The following BAX variants were observed in gnomAD, a reference collection of about 807,000 sequenced individuals.
The protein encoded by BAX is apoptosis regulator BAX.
Under a neutral mutation model 26.8 loss-of-function variants are expected in BAX, and 21 were observed. The observed-to-expected ratio is 0.78, with a 90% CI of 0.56 to 1.13. The LOEUF (loss-of-function observed/expected upper bound fraction) is 1.13. BAX is among the 50% of genes most tolerant of loss of function. The probability of loss-of-function intolerance (pLI) is 0.00; values close to 1 mark genes in which losing one functional copy is unlikely to be tolerated. For synonymous variants in BAX, 110 were observed against 101.8 expected (o/e 1.08, Z -0.49); for missense variants, 236 against 254.6 (o/e 0.93, Z 0.50).
intron 4 of BAX, among the ~76,000 whole-genome samples, chr19:48,957,814 A>G (rs1204576652): frequency 1.3e-5 from 2 of 152,238 alleles, no homozygotes; most frequent in East Asian, 1.9e-4. Flanking sequence ...TCAAACCGTC[A>G]TAAGTTGGGG....
In BAX at chr19:48,961,676, T is replaced by C. The variant is rs2038367296; in HGVS notation, c.*40T>C. ...TTGGACTGTGTTTTTCCTCCATAAA[T>C]TATGGCATTTTTCTGGGAGGGGTGG... On this transcript the variant is annotated 3_prime_UTR_variant, in exon 6 of 6. Coordinates refer to ENST00000345358, the MANE Select transcript of BAX (RefSeq NM_138761.4). 3 of 1,508,724 alleles carry C rather than the reference T, an allele frequency of 2.0e-6. No homozygotes were observed. The East Asian group carries it at 7.2e-5, about 36-fold the overall frequency. The allele number at this position is 1,508,724 out of a possible 1,614,324, so 93.5% of individuals were successfully genotyped here.
intron 4 of BAX, among the ~76,000 whole-genome samples, chr19:48,958,345 A>ATTT (rs34043541): frequency 0.02 from 1,299 of 64,474 alleles, 108 homozygotes; most frequent in African/African-American, 0.054. Flanking sequence ...TTTTTGGAAG[A>ATTT]TTTTTTTTTT....
chr19:48,955,074 C>G, intron 1 of BAX, 112 bp downstream of exon 1: 1 of 1,191,808 alleles, frequency 8.4e-7, no homozygotes, highest in Non-Finnish European at 1.1e-6. Context: ...GGGGCAGAAA[C>G]TCCCGGATCG....
At chr19:48,955,102 G>C in intron 1 of BAX, 140 bp downstream of exon 1, 1 of 1,018,142 alleles carries the variant, frequency 9.8e-7, no homozygotes, top group Non-Finnish European at 1.3e-6. Context: ...CCAGCCTCCA[G>C]TCCCCTCCGT....
chr19:48,954,952 C>T lies in BAX; in HGVS notation c.24C>T (p.Pro8=), dbSNP rs1383204990. Residue 8 remains proline, a synonymous_variant, in exon 1 of 6, where the codon CCC becomes CCT. Transcript: ENST00000345358. MDGSGEQ[P]RGGGPTSSEQ... ...TGATGGACGGGTCCGGGGAGCAGCC[C>T]AGAGGCGGGGGTGAGGCGGGAGGCA... 8.0e-6 allele frequency: 10 copies of T among 1,246,524 alleles called. No homozygotes were observed. Among genetic ancestry groups the T allele is most frequent in the Non-Finnish European group, 1.0e-5 (10 of 994,228 alleles). The allele number at this position is 1,246,524 out of a possible 1,614,324, so 77.2% of individuals were successfully genotyped here.
intron 3 of BAX, 75 bp downstream of exon 3, chr19:48,955,908 C>T (rs2038110564): frequency 4.7e-6 from 7 of 1,477,022 alleles, no homozygotes; most frequent in Non-Finnish European, 5.4e-6. Flanking sequence ...CCCGCATTCT[C>T]CTCCTCCCCT....
chr19:48,961,013 C>T (rs776348320), intron 5 of BAX, 99 bp downstream of exon 5: 2 of 1,612,774 alleles, frequency 1.2e-6, no homozygotes, highest in East Asian at 2.2e-5. Context: ...GACCCTGGGC[C>T]TTCTGGAGCA....
chr19:48,956,571 TC>T (rs1243677790), intron 4 of BAX, among the ~76,000 whole-genome samples: 1 of 151,970 alleles, frequency 6.6e-6, no homozygotes, highest in African/African-American at 2.4e-5. Flanking sequence ...GCAGGCTACA[TC>T]CCTGCTCTCA....
In BAX at chr19:48,954,956, G is replaced by GGC. The variant is rs1447224934; in HGVS notation, c.30_31dup (p.Gly11AlafsTer11). ...GGACGGGTCCGGGGAGCAGCCCAGA[G>GGC]GCGGGGGTGAGGCGGGAGGCAGACG... On this transcript the variant is annotated frameshift_variant, in exon 1 of 6. Transcript: ENST00000345358. LOFTEE classifies it high-confidence loss of function. 1 of 1,245,036 alleles carries GGC rather than the reference G, an allele frequency of 8.0e-7. No individual in the cohort carries two copies. The highest frequency in any genetic ancestry group is 1.0e-6 in the Non-Finnish European group (1 of 993,660). The allele number at this position is 1,245,036 out of a possible 1,614,324, so 77.1% of individuals were successfully genotyped here. A position where few individuals can be genotyped will look rare whatever the true frequency, so the allele number is the denominator to read the frequency against.
chr19:48,956,134 G>A, intron 3 of BAX, 64 bp from the exon 4 acceptor site: 1 of 1,453,206 alleles, frequency 6.9e-7, no homozygotes, highest in South Asian at 1.5e-5. Flanking sequence ...TGCGGTGGAT[G>A]CGGGAATTTT....
Position 48,955,141 on chromosome 19 carries a change from C to G in BAX, c.34+179C>G, listed in dbSNP as rs4645883. On this transcript the variant is annotated intron_variant, in intron 1 of 5. Coordinates refer to ENST00000345358, the MANE Select transcript of BAX (RefSeq NM_138761.4). ...CGGAGGTTCCTGGCTCTCTGATCCC[C>G]GTGTCCCGATCCCTGCCTCTCTGGC... is the stretch of plus-strand genomic sequence containing the variant. The G allele has an allele frequency of 3.2e-4, 236 of 745,090 alleles. No individual in the cohort carries two copies. The African/African-American group carries it at 4.0e-3, about 13-fold the overall frequency. 46.2% of individuals were successfully genotyped at this position (745,090 alleles called of 1,614,324 possible). A position where few individuals can be genotyped will look rare whatever the true frequency, so the allele number is the denominator to read the frequency against.
chr19:48,960,748 G>T (rs747988714), intron 4 of BAX, 62 bp from the exon 5 acceptor site: 12 of 1,366,770 alleles, frequency 8.8e-6, no homozygotes, highest in Non-Finnish European at 1.2e-5. Context: ...GAGGTTTGGG[G>T]CCACTATCTC....
At chr19:48,961,366 T>G (rs1600115137) in intron 5 of BAX, 166 bp from the exon 6 acceptor site, 2 of 1,243,254 alleles carry the variant, frequency 1.6e-6, no homozygotes, top group Admixed American at 5.3e-5. Context: ...GGATTACAGG[T>G]GTGAGCCACC....
rs756379361 is a variant in BAX at position 48,954,925 on chromosome 19, G to C, written c.-4G>C. On this transcript the variant is annotated 5_prime_UTR_variant, in exon 1 of 6. Transcript: ENST00000345358. ...GGCGAGAGGCGGCGGCGGGAGCGGC[G>C]GTGATGGACGGGTCCGGGGAGCAGC... is the stretch of plus-strand genomic sequence containing the variant. 8.1e-7 allele frequency: 1 copy of C among 1,238,640 alleles called. No homozygotes were observed. Among genetic ancestry groups the C allele is most frequent in the South Asian group, 3.9e-5 (1 of 25,754 alleles). The allele number at this position is 1,238,640 out of a possible 1,614,324, so 76.7% of individuals were successfully genotyped here.
chr19:48,955,972 C>T (rs568968102), intron 3 of BAX, 139 bp downstream of exon 3: 103 of 1,186,640 alleles, frequency 8.7e-5, no homozygotes, highest in Non-Finnish European at 1.1e-4. Context: ...GGACTCCCAG[C>T]CCTCCTCTCT....
At chr19:48,956,054 C>A in intron 3 of BAX, 144 bp from the exon 4 acceptor site, 1 of 1,223,708 alleles carries the variant, frequency 8.2e-7, no homozygotes, top group Non-Finnish European at 1.1e-6. Flanking sequence ...TGTCCCCTTC[C>A]CTTGTCCCCC....
In BAX at chr19:48,961,579, C is replaced by G. The variant is rs983493121; in HGVS notation, c.522C>G (p.Thr174=). The G allele has an allele frequency of 6.2e-7, 1 of 1,611,978 alleles. No homozygotes were observed. The highest frequency in any genetic ancestry group is 1.3e-5 in the African/African-American group (1 of 74,996). The change falls in exon 6 of 6, where the codon ACC becomes ACG. Residue 174 remains threonine (T), a synonymous_variant. Transcript: ENST00000345358. Reference sequence around the variant, plus strand: ...GGACGCCCACGTGGCAGACCGTGACCATCTTTGTGGCGGGAGTGCTCACCG... The same window carrying G: ...GGACGCCCACGTGGCAGACCGTGACGATCTTTGTGGCGGGAGTGCTCACCG... ...YFGTPTWQTV[T]IFVAGVLTAS... is the part of the protein sequence containing the mutation.
intron 4 of BAX, among the ~76,000 whole-genome samples, chr19:48,958,345 ATTTTTTTTTT>A (rs34043541): frequency 1.9e-4 from 12 of 64,476 alleles, no homozygotes; most frequent in East Asian, 6.6e-4. Flanking sequence ...TTTTTGGAAG[ATTTTTTTTTT>A]TTTTTTTTTT....
intron 1 of BAX, 151 bp downstream of exon 1, chr19:48,955,113 C>A: frequency 2.1e-6 from 2 of 936,180 alleles, no homozygotes; most frequent in Non-Finnish European, 2.8e-6. Flanking sequence ...TCCCCTCCGT[C>A]CTCGGAGGTT....
Sources: allele counts gnomAD v4.1 joint callset (sites outside exome capture counted in the v4.1 genomes callset), GRCh38; gene constraint gnomAD v4.1.1; transcripts MANE v1.5; gene names NCBI Gene and HGNC (gene_info 2026-07-23, HGNC 2026-07-21).